The following SNRNP27 variants were observed in gnomAD, a reference collection of about 807,000 sequenced individuals.
SNRNP27 encodes the protein small nuclear ribonucleoprotein U4/U6.U5 subunit 27, also known as U4/U6.U5 small nuclear ribonucleoprotein 27 kDa protein.
SNRNP27 carries 22 observed loss-of-function variants against 25.1 expected under a neutral mutation model. That is an observed-to-expected ratio of 0.88 (90% CI 0.63 to 1.25). SNRNP27 has a LOEUF of 1.25. Ranked by LOEUF, SNRNP27 falls within the 50% of genes most tolerant of loss-of-function variation. The pLI is 0.00. For missense variants in SNRNP27, 150 were observed against 202.3 expected, an observed-to-expected ratio of 0.74 and a Z score of 1.57; for synonymous variants, 66 against 64.9, an observed-to-expected ratio of 1.02 and a Z score of -0.08.
At position 69,893,987 on chromosome 2, in the gene SNRNP27, G is replaced by GGGTCGC. The variant is rs1558560171; in HGVS notation, c.4_9dup (p.Gly2_Arg3dup). The GGGTCGC allele has an allele frequency of 1.2e-6, 2 of 1,614,098 alleles. No homozygotes were observed. The highest frequency in any genetic ancestry group is 1.1e-5 in the South Asian group (1 of 91,072). On this transcript the variant is annotated inframe_insertion, in exon 1 of 6. Coordinates refer to ENST00000244227, the MANE Select transcript of SNRNP27 (RefSeq NM_006857.3). The stretch of plus-strand genomic sequence containing the variant: ...GTTTCCGGGAAGCGGGACTCCAAAT[G>GGGTCGC]GGTCGCAGTCGCAGCCGCTCTCCAC...
At chr2:69,895,932 G>C (rs946254258) in intron 2 of SNRNP27, among the ~76,000 whole-genome samples, 7 of 151,442 alleles carry the variant, frequency 4.6e-5, no homozygotes, top group Non-Finnish European at 1.0e-4. Flanking sequence ...GGATGATCTT[G>C]GAAGAACATT....
At chr2:69,894,980 T>G in intron 1 of SNRNP27, 114 bp from the exon 2 acceptor site, 1 of 1,453,174 alleles carries the variant, frequency 6.9e-7, no homozygotes, top group Non-Finnish European at 9.3e-7. Context: ...TCCCAGCCTC[T>G]TTTTACCTTT....
intron 4 of SNRNP27, among the ~76,000 whole-genome samples, chr2:69,900,589 G>T (rs939215258): frequency 6.6e-6 from 1 of 152,254 alleles, no homozygotes; most frequent in African/African-American, 2.4e-5. Context: ...CTTTTGGCCA[G>T]TGGGTCAGAA....
intron 4 of SNRNP27, among the ~76,000 whole-genome samples, chr2:69,901,495 G>A (rs1470695631): frequency 3.9e-5 from 6 of 152,268 alleles, no homozygotes; most frequent in South Asian, 2.1e-4. Flanking sequence ...ATTTGTGTCT[G>A]TTATTCTGTT....
chr2:69,894,998 G>A, intron 1 of SNRNP27, 96 bp from the exon 2 acceptor site: 1 of 1,526,270 alleles, frequency 6.6e-7, no homozygotes, highest in Non-Finnish European at 8.9e-7. Flanking sequence ...TTTTTAATGT[G>A]ACTAGTAATG....
At chr2:69,900,009 GAC>G (rs1676668381) in intron 4 of SNRNP27, among the ~76,000 whole-genome samples, 1 of 150,624 alleles carries the variant, frequency 6.6e-6, no homozygotes, top group South Asian at 2.1e-4. Context: ...TTTTTGAAGA[GAC>G]AGAGTCTTCC....
intron 4 of SNRNP27, among the ~76,000 whole-genome samples, chr2:69,899,272 A>G (rs957877473): frequency 2.0e-5 from 3 of 152,282 alleles, no homozygotes; most frequent in African/African-American, 7.2e-5. Context: ...CTTCATGGCT[A>G]TCAGTTATAA....
intron 2 of SNRNP27, 58 bp downstream of exon 2, chr2:69,895,272 C>A: frequency 6.3e-7 from 1 of 1,590,406 alleles, no homozygotes; most frequent in South Asian, 1.1e-5. Context: ...AGAAACTGGT[C>A]GCAGCTCTTA....
At chr2:69,902,241 TCTC>T (rs1246044970) in intron 4 of SNRNP27, among the ~76,000 whole-genome samples, 1 of 147,420 alleles carries the variant, frequency 6.8e-6, no homozygotes, top group Non-Finnish European at 1.5e-5. Flanking sequence ...CCTTCTTTCT[TCTC>T]CTTCCTCCTT....
chr2:69,894,923 G>T (rs928008991), intron 1 of SNRNP27, among the ~76,000 whole-genome samples, 171 bp from the exon 2 acceptor site: 2 of 152,066 alleles, frequency 1.3e-5, no homozygotes, highest in South Asian at 2.1e-4. Flanking sequence ...CTTGTGATCC[G>T]CCCGCCAGCC....
At chr2:69,903,938 A>G (rs1219417353) in intron 5 of SNRNP27, among the ~76,000 whole-genome samples, 1 of 152,096 alleles carries the variant, frequency 6.6e-6, no homozygotes, top group African/African-American at 2.4e-5. Context: ...CTATTTCTAA[A>G]TTATATGTTT....
intron 4 of SNRNP27, among the ~76,000 whole-genome samples, chr2:69,901,172 C>CA (rs944057272): frequency 0.016 from 1,750 of 112,582 alleles, 28 homozygotes; most frequent in South Asian, 0.087. Flanking sequence ...GTCTCCATTT[C>CA]AAAAAAAAAA....
At chr2:69,896,376 C>T in intron 2 of SNRNP27, 60 bp from the exon 3 acceptor site, 4 of 1,490,152 alleles carry the variant, frequency 2.7e-6, no homozygotes, top group Non-Finnish European at 1.9e-6. Flanking sequence ...TATATCTGTG[C>T]TGATTGATAC....
intron 2 of SNRNP27, 118 bp from the exon 3 acceptor site, chr2:69,896,318 C>T (rs935727222): frequency 8.6e-6 from 8 of 933,186 alleles, no homozygotes; most frequent in Non-Finnish European, 1.3e-5. Flanking sequence ...CCTTTTTCCT[C>T]ACTTTGCTAT....
chr2:69,903,059 T>C, intron 4 of SNRNP27, 122 bp from the exon 5 acceptor site: 2 of 750,200 alleles, frequency 2.7e-6, no homozygotes, highest in East Asian at 2.7e-5. Context: ...CCTCCCACCT[T>C]AGCCTTCCGC....
chr2:69,899,991 T>TA (rs918996649), intron 4 of SNRNP27, among the ~76,000 whole-genome samples: 8 of 151,964 alleles, frequency 5.3e-5, no homozygotes, highest in African/African-American at 1.7e-4. Context: ...TCCATTTTTT[T>TA]TTTTTTATTT....
intron 5 of SNRNP27, among the ~76,000 whole-genome samples, chr2:69,903,873 T>G (rs1315901351): frequency 2.0e-5 from 3 of 152,152 alleles, no homozygotes; most frequent in Admixed American, 1.3e-4. Context: ...AGGGGGAGAA[T>G]CATTACAGTG....
chr2:69,895,987 T>G (rs1573388027), intron 2 of SNRNP27, among the ~76,000 whole-genome samples: 1 of 141,224 alleles, frequency 7.1e-6, no homozygotes, highest in African/African-American at 2.7e-5. Flanking sequence ...TTTTTTTTTT[T>G]TGAGAGAGAG....
At chr2:69,901,928 A>C (rs1676706043) in intron 4 of SNRNP27, among the ~76,000 whole-genome samples, 1 of 152,242 alleles carries the variant, frequency 6.6e-6, no homozygotes, top group South Asian at 2.1e-4. Flanking sequence ...TTATTAGCTA[A>C]GGTTGTAAGT....
Sources: allele counts gnomAD v4.1 joint callset (sites outside exome capture counted in the v4.1 genomes callset), GRCh38; gene constraint gnomAD v4.1.1; transcripts MANE v1.5; gene names NCBI Gene and HGNC (gene_info 2026-07-23, HGNC 2026-07-21).